Variants in RYR2 observed in about 807,000 individuals in gnomAD.
The protein encoded by RYR2 is ryanodine receptor 2, also known as cardiac muscle ryanodine receptor-calcium release channel.
A neutral mutation model predicts 601.1 loss-of-function variants in RYR2; 227 were observed. That is an observed-to-expected ratio of 0.38 (90% CI 0.34 to 0.42). RYR2 has a LOEUF of 0.42. Among genes scored for constraint, RYR2 ranks in the 10% least tolerant of loss-of-function variants. The probability of loss-of-function intolerance (pLI) is 1.00; values close to 1 mark genes in which losing one functional copy is unlikely to be tolerated. For synonymous variants in RYR2, 2,223 were observed against 2,175.1 expected, an observed-to-expected ratio of 1.02 and a Z score of -0.61; for missense variants, 4,646 against 6,156.5, an observed-to-expected ratio of 0.75 and a Z score of 8.21.
chr1:237,242,193 GT>G (rs1389322285), intron 1 of RYR2, among the ~76,000 whole-genome samples: 1 of 50,070 alleles, frequency 2.0e-5, no homozygotes, highest in African/African-American at 3.5e-5. Flanking sequence ...TTTGATCACT[GT>G]TTTTTTTGTT....
intron 92 of RYR2, among the ~76,000 whole-genome samples, chr1:237,789,937 G>A (rs907605722): frequency 4.6e-5 from 7 of 152,304 alleles, no homozygotes; most frequent in African/African-American, 1.2e-4. Context: ...GGGTGTGGTG[G>A]ACAGCCTTGT....
intron 1 of RYR2, among the ~76,000 whole-genome samples, chr1:237,147,015 G>A (rs1186535676): frequency 2.0e-5 from 3 of 152,124 alleles, no homozygotes; most frequent in African/African-American, 7.2e-5. Flanking sequence ...TTGTTCTGGG[G>A]ATGGGGATGA....
At chr1:237,324,133 AT>A (rs1695916637) in intron 2 of RYR2, among the ~76,000 whole-genome samples, 1 of 152,030 alleles carries the variant, frequency 6.6e-6, no homozygotes, top group African/African-American at 2.4e-5. Context: ...GTGAACTAAG[AT>A]TTTTCTTAGA....
chr1:237,521,261 C>A (rs565232809), intron 24 of RYR2, among the ~76,000 whole-genome samples: 81 of 152,296 alleles, frequency 5.3e-4, no homozygotes, highest in African/African-American at 1.9e-3. Flanking sequence ...AAGAAAACTA[C>A]AGACCAATAT....
chr1:237,427,545 G>T (rs1242861726), intron 12 of RYR2, among the ~76,000 whole-genome samples: 2 of 152,064 alleles, frequency 1.3e-5, no homozygotes, highest in African/African-American at 4.8e-5. Flanking sequence ...CACTTTGGGA[G>T]ACCAAGGCAG....
At chr1:237,522,212 T>A (rs984142892) in intron 24 of RYR2, among the ~76,000 whole-genome samples, 3 of 152,172 alleles carry the variant, frequency 2.0e-5, no homozygotes, top group Non-Finnish European at 2.9e-5. Flanking sequence ...TGTCCAATCT[T>A]CTGGCTTCCC....
At chr1:237,397,919 C>T (rs1256555050) in intron 10 of RYR2, among the ~76,000 whole-genome samples, 2 of 152,018 alleles carry the variant, frequency 1.3e-5, no homozygotes, top group African/African-American at 2.4e-5. Context: ...GACAGGGTTT[C>T]ACCATGTTAG....
intron 1 of RYR2, among the ~76,000 whole-genome samples, chr1:237,125,173 C>T (rs958628223): frequency 2.0e-5 from 3 of 152,064 alleles, no homozygotes; most frequent in Non-Finnish European, 4.4e-5. Flanking sequence ...CTGTAAGATA[C>T]GAAACTGGTG....
chr1:237,240,402 T>C (rs1008664518), intron 1 of RYR2, among the ~76,000 whole-genome samples: 5 of 152,052 alleles, frequency 3.3e-5, no homozygotes, highest in Non-Finnish European at 7.4e-5. Flanking sequence ...AATAAAGAAA[T>C]TTACTGAAAC....
chr1:237,759,653 T>C (rs1040238356), intron 82 of RYR2, 123 bp from the exon 83 acceptor site: 19 of 714,928 alleles, frequency 2.7e-5, no homozygotes, highest in African/African-American at 1.4e-4. Context: ...GCATTAGTCA[T>C]GTTTGTACGC....
intron 1 of RYR2, among the ~76,000 whole-genome samples, chr1:237,219,262 C>T (rs1461216271): frequency 6.6e-6 from 1 of 152,146 alleles, no homozygotes; most frequent in African/African-American, 2.4e-5. Context: ...AAGTGATCCA[C>T]CTGCCTTGGC....
Position 237,273,348 on chromosome 1 carries a change from A to G in RYR2, c.168+2732A>G, listed in dbSNP as rs542661231. On this transcript the variant is annotated intron_variant, in intron 2 of 104. Transcript: ENST00000366574. ...GGCCAGTGAGGGGGAGCAGCTGTACATACAGATGAAGCTTGCCTGCTGCTC... is the reference window on the plus strand; with the variant it reads ...GGCCAGTGAGGGGGAGCAGCTGTACGTACAGATGAAGCTTGCCTGCTGCTC... 6.6e-5 allele frequency among the ~76,000 whole-genome samples: 10 copies of G among 152,186 alleles called. No individual in the cohort carries two copies. The East Asian group carries it at 1.9e-3, about 29-fold the overall frequency.
intron 71 of RYR2, 52 bp downstream of exon 71, chr1:237,711,889 C>A: frequency 6.1e-6 from 5 of 818,612 alleles, no homozygotes; most frequent in Non-Finnish European, 6.1e-6. Flanking sequence ...ATGTGACTTT[C>A]ATGAATTGAC....
At chr1:237,159,100 C>T (rs1161601015) in intron 1 of RYR2, among the ~76,000 whole-genome samples, 1 of 152,106 alleles carries the variant, frequency 6.6e-6, no homozygotes, top group African/African-American at 2.4e-5. Context: ...GGAGACTAGC[C>T]TGACCAACAT....
intron 56 of RYR2, among the ~76,000 whole-genome samples, chr1:237,664,296 A>T (rs1684083432): frequency 6.6e-6 from 1 of 152,234 alleles, no homozygotes; most frequent in African/African-American, 2.4e-5. Context: ...AGCACCTATT[A>T]TGTATGCTGC....
chr1:237,590,042 A>G (rs758262478), intron 30 of RYR2, 41 bp downstream of exon 30: 1 of 1,557,312 alleles, frequency 6.4e-7, no homozygotes, highest in South Asian at 1.2e-5. Flanking sequence ...TCTAAAAAGC[A>G]GGAAAAGAAT....
rs181628550 is a variant in RYR2, at chr1:237,326,336, T to C, written c.169-4542T>C. Among the ~76,000 whole-genome samples the C allele has an allele frequency of 3.2e-3, 487 of 152,210 alleles. 5 individuals are homozygous for C. The highest frequency in any genetic ancestry group is 0.01 in the Middle Eastern group (3 of 294). On this transcript the variant is annotated intron_variant, in intron 2 of 104. Coordinates refer to ENST00000366574, the MANE Select transcript of RYR2 (RefSeq NM_001035.3). The stretch of plus-strand genomic sequence containing the variant: ...CTGCTGGCTTAAAGTCTGTTACCTT[T>C]CCCAAAGTATATATATTCTGATAAA...
chr1:237,643,237 G>T, intron 47 of RYR2, 90 bp from the exon 48 acceptor site: 1 of 1,510,482 alleles, frequency 6.6e-7, no homozygotes. Flanking sequence ...AATTATTTTG[G>T]ACTTGGATTC....
intron 29 of RYR2, among the ~76,000 whole-genome samples, chr1:237,577,500 CTGTGTGTGTGTG>C (rs763937941): frequency 1.8e-5 from 2 of 113,864 alleles, no homozygotes; most frequent in East Asian, 2.4e-4. Flanking sequence ...GTGTGTGTTT[CTGTGTGTGTGTG>C]TGTGTGTGTG....
Sources: gnomAD v4.1 joint callset for allele counts (sites outside exome capture counted in the v4.1 genomes callset) on GRCh38, gnomAD v4.1.1 for gene constraint, MANE v1.5 for transcripts, NCBI Gene and HGNC (gene_info 2026-07-23, HGNC 2026-07-21) for gene names.